Variants in ANK2 observed in about 807,000 individuals in gnomAD.
ANK2 encodes the protein ankyrin 2.
ANK2 carries 83 observed loss-of-function variants against 360.5 expected under a neutral mutation model. That is an observed-to-expected ratio of 0.23 (90% CI 0.19 to 0.28). The LOEUF (loss-of-function observed/expected upper bound fraction) is 0.28, where lower values mean the gene tolerates loss of function less well. Among genes scored for constraint, ANK2 ranks in the 10% least tolerant of loss-of-function variants. ANK2 has a pLI of 1.00. For missense variants in ANK2, 4,201 were observed against 4,795.7 expected (o/e 0.88, Z 3.66); for synonymous variants, 1,740 against 1,759.5 (o/e 0.99, Z 0.28).
intron 1 of ANK2, among the ~76,000 whole-genome samples, chr4:113,139,989 A>C (rs944400274): frequency 3.9e-5 from 6 of 152,344 alleles, no homozygotes; most frequent in African/African-American, 1.4e-4. Context: ...AAATTATGCC[A>C]CAAGTCCATA....
the ANK2 span, among the ~76,000 whole-genome samples, chr4:112,763,025 A>C: frequency 8.5e-5 from 13 of 152,350 alleles, no homozygotes; most frequent in East Asian, 2.5e-3. Context: ...GATGGGAAGA[A>C]AGTGCTAATT....
intron 2 of ANK2, among the ~76,000 whole-genome samples, chr4:112,957,995 T>C (rs2031590236): frequency 7.4e-6 from 1 of 135,068 alleles, no homozygotes; most frequent in African/African-American, 2.9e-5. Flanking sequence ...TCTCAGACGA[T>C]GGGCGGCGGG....
At chr4:112,826,187 C>A in intron 1 of ANK2, 1 of 298,496 alleles carries the variant, frequency 3.4e-6, no homozygotes, top group South Asian at 4.7e-5. Context: ...GAACTTGCCC[C>A]AAATGTGTGA....
intron 2 of ANK2, among the ~76,000 whole-genome samples, chr4:112,955,569 A>G (rs1034092900): frequency 2.5e-4 from 38 of 151,878 alleles, no homozygotes; most frequent in Admixed American, 1.8e-3. Flanking sequence ...ATGTGAATTT[A>G]TTGTGGACTT....
chr4:113,035,487 C>T (rs1163110171), intron 2 of ANK2, among the ~76,000 whole-genome samples: 1 of 151,816 alleles, frequency 6.6e-6, no homozygotes, highest in Non-Finnish European at 1.5e-5. Context: ...CTCTTAGAAG[C>T]TCTGGTAACT....
intron 2 of ANK2, among the ~76,000 whole-genome samples, chr4:112,952,957 C>T (rs2095119636): frequency 6.6e-6 from 1 of 152,138 alleles, no homozygotes; most frequent in Non-Finnish European, 1.5e-5. Flanking sequence ...ATAACAGCAG[C>T]AACAGCATCA....
In ANK2 at chr4:113,237,663, T is replaced by C. The variant is rs559918276; in HGVS notation, c.693+41T>C. On this transcript the variant is annotated intron_variant, in intron 7 of 45. Transcript: ENST00000357077. The stretch of plus-strand genomic sequence containing the variant: ...TATACCAAAATTTACCTTGTCTTTA[T>C]TTTTAGTTTTTGCCCAATTGGAATA... 1.2e-5 allele frequency: 18 copies of C among 1,543,896 alleles called. No individual in the cohort carries two copies. The South Asian group carries it at 1.9e-4, about 16-fold the overall frequency.
rs762824375 is a variant in ANK2 at position 113,354,259 on chromosome 4, G to T, written c.5641G>T (p.Val1881Leu). The change falls in exon 38 of 46, where the codon GTA (valine) becomes TTA (leucine). Residue 1881 changes from valine to leucine, a missense_variant. Coordinates refer to ENST00000357077, the MANE Select transcript of ANK2 (RefSeq NM_001148.6). The stretch of plus-strand genomic sequence containing the variant: ...GAGTAAAACTGAGAAACACTCACCT[G>T]TATCACCCTCGACAAAAACTGAAAG... ...SSSKTEKHSP[V>L]SPSTKTERHS... 10 of 1,614,020 alleles carry T rather than the reference G, an allele frequency of 6.2e-6. No individual in the cohort carries two copies. The highest frequency in any genetic ancestry group is 1.7e-5 in the Admixed American group (1 of 60,004).
chr4:113,151,475 A>G (rs2154395913), intron 1 of ANK2, among the ~76,000 whole-genome samples: 1 of 152,224 alleles, frequency 6.6e-6, no homozygotes, highest in Non-Finnish European at 1.5e-5. Flanking sequence ...ATCAGCCATC[A>G]GGGGAACTCT....
chr4:113,308,814 T>A (rs79528751), intron 23 of ANK2, among the ~76,000 whole-genome samples: 3,958 of 152,158 alleles, frequency 0.026, 84 homozygotes, highest in Non-Finnish European at 0.04. Flanking sequence ...AAGACCTCCA[T>A]AGAATCTGTA....
At chr4:113,185,076 G>A (rs946087899) in intron 2 of ANK2, among the ~76,000 whole-genome samples, 1 of 152,116 alleles carries the variant, frequency 6.6e-6, no homozygotes, top group Non-Finnish European at 1.5e-5. Context: ...TGGTGTATAT[G>A]TGCCACATTT....
chr4:113,259,531 C>T (rs2051407588), intron 13 of ANK2, among the ~76,000 whole-genome samples: 1 of 152,008 alleles, frequency 6.6e-6, no homozygotes, highest in South Asian at 2.1e-4. Context: ...AGAATTAATT[C>T]AATTGAGTTT....
Position 113,357,855 on chromosome 4 carries a change from C to T in ANK2, c.9237C>T (p.Thr3079=). Residue 3079 remains threonine (T), a synonymous_variant, in exon 38 of 46, where the codon ACC becomes ACT. Transcript: ENST00000357077. The stretch of plus-strand genomic sequence containing the variant: ...TAGACAGACAATCACAGGGTACCAC[C>T]CCTGACACCACTCCTGCTAGGACCC... ...LMVDRQSQGT[T]PDTTPARTPT... is the part of the protein sequence containing the mutation. 1 of 1,614,026 alleles carries T rather than the reference C, an allele frequency of 6.2e-7. No homozygotes were observed. Among genetic ancestry groups the T allele is most frequent in the Non-Finnish European group, 8.5e-7 (1 of 1,179,952 alleles).
intron 1 of ANK2, among the ~76,000 whole-genome samples, chr4:113,137,723 C>T (rs1405006221): frequency 6.6e-6 from 1 of 152,050 alleles, no homozygotes; most frequent in Non-Finnish European, 1.5e-5. Flanking sequence ...GATTTATAAA[C>T]TTCTGACTGT....
intron 1 of ANK2, chr4:112,826,288 T>C (rs1579116362): frequency 1.7e-6 from 1 of 582,408 alleles, no homozygotes. Flanking sequence ...TAAATTTCTA[T>C]AGAGTTGTGT....
chr4:112,824,686 T>C (rs1188385117), intron 1 of ANK2, among the ~76,000 whole-genome samples: 1 of 152,016 alleles, frequency 6.6e-6, no homozygotes, highest in African/African-American at 2.4e-5. Context: ...GTATTTTTAG[T>C]AGAGATGGGG....
At chr4:113,288,541 G>C (rs1380113669) in intron 20 of ANK2, 55 bp downstream of exon 20, 11 of 1,441,338 alleles carry the variant, frequency 7.6e-6, no homozygotes, top group Non-Finnish European at 8.8e-6. Context: ...TCAGCCATCT[G>C]GATGCTTCAC....
rs1215559209 is a variant in ANK2 at position 113,317,768 on chromosome 4, A to G, written c.2755A>G (p.Ser919Gly). Residue 919 changes from serine (S) to glycine (G), a missense_variant, in exon 25 of 46, where the codon AGT becomes GGT. By Grantham distance (56) the Ser-to-Gly change is moderately conservative (BLOSUM62 0). Around this residue, in one of 4 missense-constraint regions of ANK2, gnomAD observed 1,268 missense variants for 1,650.8 expected, o/e 0.77. Coordinates refer to ENST00000357077, the MANE Select transcript of ANK2 (RefSeq NM_001148.6). ...GAGCCATGCCTCCTACCTGAGGGACAGTGCCGTGATGGATGACTCAGTTGT... is the reference window on the plus strand; with the variant it reads ...GAGCCATGCCTCCTACCTGAGGGACGGTGCCGTGATGGATGACTCAGTTGT... ...TLSHASYLRD[S>G]AVMDDSVVIP... 3.7e-6 allele frequency: 6 copies of G among 1,614,048 alleles called. No individual in the cohort carries two copies. Among genetic ancestry groups the G allele is most frequent in the East Asian group, 2.2e-5 (1 of 44,894 alleles).
intron 2 of ANK2, among the ~76,000 whole-genome samples, chr4:113,176,016 C>T (rs576113935): frequency 9.8e-5 from 15 of 152,298 alleles, no homozygotes; most frequent in Non-Finnish European, 1.9e-4. Context: ...GGGTGGTGCT[C>T]GCAGTGAGCA....
Sources: allele counts gnomAD v4.1 joint callset (sites outside exome capture counted in the v4.1 genomes callset), GRCh38; gene constraint gnomAD v4.1.1; regional missense constraint gnomAD v4.1.1; transcripts MANE v1.5; gene names NCBI Gene and HGNC (gene_info 2026-07-23, HGNC 2026-07-21).